The following ZNF879 variants were observed in gnomAD, a reference collection of about 807,000 sequenced individuals.
ZNF879 encodes the protein zinc finger protein 879.
Under a neutral mutation model 44.3 loss-of-function variants are expected in ZNF879, and 32 were observed. That is an observed-to-expected ratio of 0.72 (90% CI 0.54 to 0.97). The LOEUF is 0.97. ZNF879 is among the 50% of genes least tolerant of loss of function. The probability of loss-of-function intolerance (pLI) is 0.00; values close to 1 mark genes in which losing one functional copy is unlikely to be tolerated. For synonymous variants in ZNF879, 234 were observed against 233.2 expected, an observed-to-expected ratio of 1.00 and a Z score of -0.03; for missense variants, 621 against 669.7, an observed-to-expected ratio of 0.93 and a Z score of 0.80.
intron 4 of ZNF879, among the ~76,000 whole-genome samples, chr5:179,029,703 ATTG>A (rs145778615): frequency 0.053 from 8,109 of 152,250 alleles, 291 homozygotes; most frequent in East Asian, 0.12. Flanking sequence ...ATGATCAATT[ATTG>A]TTGTTTATTA....
chr5:179,030,947 C>T (rs1231846764), intron 4 of ZNF879, among the ~76,000 whole-genome samples: 1 of 152,158 alleles, frequency 6.6e-6, no homozygotes, highest in Non-Finnish European at 1.5e-5. Context: ...TAGGAGTCAT[C>T]CTTGAGTCCC....
chr5:179,024,116 G>T (rs1015283426), intron 1 of ZNF879, among the ~76,000 whole-genome samples: 1 of 152,174 alleles, frequency 6.6e-6, no homozygotes, highest in Non-Finnish European at 1.5e-5. Flanking sequence ...TGGACTCCTG[G>T]GCCGCAGCCT....
At position 179,033,604 on chromosome 5, in the gene ZNF879, C is replaced by T. The variant is rs1480027380; in HGVS notation, c.1656C>T (p.Ser552=). The T allele has an allele frequency of 3.9e-6, 6 of 1,534,036 alleles. No homozygotes were observed. Among genetic ancestry groups the T allele is most frequent in the Non-Finnish European group, 5.3e-6 (6 of 1,141,270 alleles). ...CKECGKAFSQ[S]SSLTNHQRTH... is the part of the protein sequence containing the mutation. Reference sequence around the variant, plus strand: ...AATGTGGGAAGGCTTTTAGTCAGAGCTCATCTCTTACTAATCATCAAAGGA... The same window carrying T: ...AATGTGGGAAGGCTTTTAGTCAGAGTTCATCTCTTACTAATCATCAAAGGA... The change falls in exon 5 of 5, where the codon AGC becomes AGT. Residue 552 remains serine, a synonymous_variant. Coordinates refer to ENST00000444149, the MANE Select transcript of ZNF879 (RefSeq NM_001136116.3).
chr5:179,033,038 C>A lies in ZNF879; in HGVS notation c.1090C>A (p.Arg364=). Residue 364 remains arginine, a synonymous_variant, in exon 5 of 5, where the codon CGA becomes AGA. Transcript: ENST00000444149. The stretch of plus-strand genomic sequence containing the variant: ...AATATCGCGGCTAAGTAGGCACCAT[C>A]GAATTCATACTGGAGAGAAACCCTT... ...TSISRLSRHH[R]IHTGEKPFHC... The A allele has an allele frequency of 6.4e-7, 1 of 1,557,964 alleles. No individual in the cohort carries two copies. The highest frequency in any genetic ancestry group is 8.7e-7 in the Non-Finnish European group (1 of 1,151,046).
rs767284213 is a variant in ZNF879 at position 179,027,582 on chromosome 5, G to A, written c.143G>A (p.Ser48Asn). 6.2e-7 allele frequency: 1 copy of A among 1,614,138 alleles called. No homozygotes were observed. The change falls in exon 3 of 5, where the codon AGC becomes AAC. Residue 48 changes from serine (S) to asparagine (N), a missense_variant. By Grantham distance (46) the Ser-to-Asn change is conservative. Transcript: ENST00000444149. ...CGGGAGGTGATGCTGGAGAACTACA[G>A]CATCCTGGTCTCACTGGGTAAGGAA... The part of the protein sequence containing the change: ...LYREVMLENY[S>N]ILVSLGILFS...
chr5:179,025,482 G>A (rs532583848), intron 2 of ZNF879, among the ~76,000 whole-genome samples: 5 of 152,256 alleles, frequency 3.3e-5, no homozygotes, highest in Admixed American at 6.5e-5. Context: ...GAGCCACCGC[G>A]CCCGGCCCCC....
At chr5:179,024,928 A>T (rs761904434) in intron 1 of ZNF879, 42 bp from the exon 2 acceptor site, 239 of 1,478,788 alleles carry the variant, frequency 1.6e-4, no homozygotes, top group Non-Finnish European at 2.1e-4. Context: ...GTGGGCATGC[A>T]GGCTGGATGA....
In ZNF879 at chr5:179,032,287, T is replaced by G. The variant is rs960351619; in HGVS notation, c.339T>G (p.Phe113Leu). ...VMKKLIIDGT[F>L]DFKLEKTYIN... The stretch of plus-strand genomic sequence containing the variant: ...AAAAACTCATAATTGATGGCACATT[T>G]GACTTCAAGTTGGAGAAGACCTACA... Residue 113 changes from phenylalanine (F) to leucine (L), a missense_variant, in exon 5 of 5, where the codon TTT becomes TTG. Phe to Leu is a conservative substitution (Grantham distance 22, BLOSUM62 0). Coordinates refer to ENST00000444149, the MANE Select transcript of ZNF879 (RefSeq NM_001136116.3). 1.4e-5 allele frequency: 22 copies of G among 1,546,090 alleles called. No homozygotes were observed. In the African/African-American group the frequency reaches 2.9e-4, roughly 20 times the overall value.
intron 1 of ZNF879, chr5:179,024,290 G>A (rs1761196779): frequency 1.3e-5 from 2 of 152,178 alleles, no homozygotes; most frequent in African/African-American, 4.8e-5. Context: ...ACTCGTTTTT[G>A]GCAGTCTTGC....
chr5:179,024,248 A>G (rs1391449439), intron 1 of ZNF879, among the ~76,000 whole-genome samples: 1 of 151,856 alleles, frequency 6.6e-6, no homozygotes, highest in Non-Finnish European at 1.5e-5. Context: ...GCCTCCCCCT[A>G]CTCCGTTTCC....
At chr5:179,027,148 C>G (rs190456365) in intron 2 of ZNF879, among the ~76,000 whole-genome samples, 5 of 152,278 alleles carry the variant, frequency 3.3e-5, no homozygotes, top group Middle Eastern at 3.4e-3. Flanking sequence ...GTGCCTCCTT[C>G]CGAAACCTGA....
Position 179,032,372 on chromosome 5 carries a change from T to TTA in ZNF879, c.425_426dup (p.Val143Ter). ...AAAGAACAGACTTTTCAGTAAAGTG[T>TTA]TAGTTACCATCAAAAAAGTCTACAT... On this transcript the variant is annotated frameshift_variant, in exon 5 of 5. Transcript: ENST00000444149. LOFTEE classifies it high-confidence loss of function. 1 of 1,551,126 alleles carries TTA rather than the reference T, an allele frequency of 6.4e-7. No individual in the cohort carries two copies. Among genetic ancestry groups the TTA allele is most frequent in the Non-Finnish European group, 8.7e-7 (1 of 1,146,880 alleles).
Position 179,028,027 on chromosome 5 carries a change from A to C in ZNF879, c.161-5A>C. On this transcript the variant is annotated splice_polypyrimidine_tract_variant and splice_region_variant and intron_variant, in intron 3 of 4. Coordinates refer to ENST00000444149, the MANE Select transcript of ZNF879 (RefSeq NM_001136116.3). The stretch of plus-strand genomic sequence containing the variant: ...CGCTCACGTTTCTTTCTTGTTCATG[A>C]ACAGGGATTCTCTTTTCCAAGCCAA... 6 of 1,551,402 alleles carry C rather than the reference A, an allele frequency of 3.9e-6. No homozygotes were observed.
rs148869794 is a variant in ZNF879, at chr5:179,027,142, C to G, written c.34-331C>G. ...TCTCCCTCAGTGAATGTGCTGGTGC[C>G]TCCTTCCGAAACCTGACTGTCAGGT... On this transcript the variant is annotated intron_variant, in intron 2 of 4. Transcript: ENST00000444149. Among the ~76,000 whole-genome samples the G allele has an allele frequency of 2.2e-3, 337 of 152,302 alleles. 3 individuals are homozygous for G. The highest frequency in any genetic ancestry group is 3.5e-3 in the Non-Finnish European group (236 of 68,030).
chr5:179,028,777 A>T (rs1180803006), intron 4 of ZNF879, among the ~76,000 whole-genome samples: 1 of 152,142 alleles, frequency 6.6e-6, no homozygotes, highest in East Asian at 1.9e-4. Context: ...CCCTTGGATG[A>T]CTGCATTATC....
chr5:179,025,147 G>A (rs1232189250), intron 2 of ZNF879, 110 bp downstream of exon 2: 4 of 1,219,808 alleles, frequency 3.3e-6, no homozygotes, highest in Non-Finnish European at 4.7e-6. Flanking sequence ...AAGGACCAGA[G>A]GGCTTGGTAG....
rs1205818026 is a variant in ZNF879, at chr5:179,032,581, A to T, written c.633A>T (p.Lys211Asn). The T allele has an allele frequency of 6.4e-7, 1 of 1,554,228 alleles. No individual in the cohort carries two copies. Among genetic ancestry groups the T allele is most frequent in the Admixed American group, 2.0e-5 (1 of 51,098 alleles). Residue 211 changes from lysine to asparagine, a missense_variant, in exon 5 of 5, where the codon AAA becomes AAT. Physicochemically the swap from Lys to Asn is moderately conservative, Grantham distance 94. Transcript: ENST00000444149. ...RKCYKCNICG[K>N]IFLHSSSLSK... ...GTTATAAATGTAATATCTGTGGGAA[A>T]ATCTTCCTCCACAGTTCCTCCCTGA...
intron 2 of ZNF879, among the ~76,000 whole-genome samples, chr5:179,026,819 C>T (rs1327867702): frequency 6.6e-6 from 1 of 152,132 alleles, no homozygotes; most frequent in Non-Finnish European, 1.5e-5. Context: ...GGGGAGATGG[C>T]CCTAGTTCAG....
intron 3 of ZNF879, 50 bp from the exon 4 acceptor site, chr5:179,027,982 G>C (rs1221731822): frequency 1.3e-6 from 2 of 1,513,568 alleles, no homozygotes; most frequent in South Asian, 2.4e-5. Flanking sequence ...TCTGGGGCTG[G>C]ACCCGCCTGC....
Sources: gnomAD v4.1 joint callset for allele counts (sites outside exome capture counted in the v4.1 genomes callset) on GRCh38, gnomAD v4.1.1 for gene constraint, MANE v1.5 for transcripts, NCBI Gene and HGNC (gene_info 2026-07-23, HGNC 2026-07-21) for gene names.